The following FAM13B variants were observed in gnomAD, a reference collection of about 807,000 sequenced individuals.
FAM13B encodes family with sequence similarity 13 member B.
Under a neutral mutation model 117.3 loss-of-function variants are expected in FAM13B, and 60 were observed. The ratio of observed to expected loss-of-function variants is 0.51; its 90% CI spans 0.42 to 0.63. The LOEUF (loss-of-function observed/expected upper bound fraction) is 0.63. FAM13B is among the 30% of genes least tolerant of loss of function. The pLI is 0.00. For missense variants in FAM13B, 972 were observed against 1,091.9 expected (o/e 0.89, Z 1.55); for synonymous variants, 332 against 356.1 (o/e 0.93, Z 0.76).
rs185601888 is a variant in FAM13B, at chr5:137,938,520, A to T, written c.*1705T>A. On this transcript the variant is annotated 3_prime_UTR_variant, in exon 24 of 24. Transcript: ENST00000689681. ...AAATGATACATCTTTTGGTATTTTCAATTTCACTTTTCTAGGTATACATTA... is the reference window on the plus strand; with the variant it reads ...AAATGATACATCTTTTGGTATTTTCTATTTCACTTTTCTAGGTATACATTA... The T allele has an allele frequency of 6.5e-6, 1 of 152,712 alleles. No individual in the cohort carries two copies. The highest frequency in any genetic ancestry group is 1.5e-5 in the Non-Finnish European group (1 of 68,026). 9.5% of individuals were successfully genotyped at this position (152,712 alleles called of 1,614,324 possible).
chr5:138,017,764 C>CT (rs1328607185), intron 4 of FAM13B, among the ~76,000 whole-genome samples: 1 of 152,122 alleles, frequency 6.6e-6, no homozygotes, highest in Non-Finnish European at 1.5e-5. Context: ...AAAGATACAT[C>CT]TTTTTTTGTT....
rs1561492748 is a variant in FAM13B at position 137,983,213 on chromosome 5, A to AAAAAAAAAAAAAAAAAAAC, written c.1179+2043_1179+2044insGTTTTTTTTTTTTTTTTTT. The stretch of plus-strand genomic sequence containing the variant: ...AAAAAAAAAAAAAAAAAAAAAAAAA[A>AAAAAAAAAAAAAAAAAAAC]AACCGAGTGAGATATCCTGAATGCC... On this transcript the variant is annotated intron_variant, in intron 10 of 23. Coordinates refer to ENST00000689681, the MANE Select transcript of FAM13B (RefSeq NM_001385994.1). Among the ~76,000 whole-genome samples, 9 of 93,718 alleles carry AAAAAAAAAAAAAAAAAAAC rather than the reference A, an allele frequency of 9.6e-5. 1 individual carries two copies. The highest frequency in any genetic ancestry group is 1.6e-4 in the Non-Finnish European group (7 of 43,940). 61.5% of individuals were successfully genotyped at this position (93,718 alleles called of 152,430 possible). A position where few individuals can be genotyped will look rare whatever the true frequency, so the allele number is the denominator to read the frequency against.
Position 137,949,075 on chromosome 5 carries a change from A to G in FAM13B, c.2040T>C (p.Asn680=). The change falls in exon 18 of 24, where the codon AAT becomes AAC. Residue 680 remains asparagine, a synonymous_variant. Transcript: ENST00000689681. The part of the protein sequence containing the change: ...GSSLDHEDEE[N]EDEPKVIQKE... Reference sequence around the variant, plus strand: ...TCTGAATGACCTTGGGTTCATCTTCATTCTCTTCATCTTCATGGTCTAGAG... The same window carrying G: ...TCTGAATGACCTTGGGTTCATCTTCGTTCTCTTCATCTTCATGGTCTAGAG... 4 of 1,614,038 alleles carry G rather than the reference A, an allele frequency of 2.5e-6. No individual in the cohort carries two copies. Among genetic ancestry groups the G allele is most frequent in the Non-Finnish European group, 3.4e-6 (4 of 1,179,986 alleles).
rs1790562010 is a variant in FAM13B, at chr5:138,032,962, C to T, written c.-383G>A. On this transcript the variant is annotated 5_prime_UTR_variant, in exon 1 of 24. Transcript: ENST00000689681. ...GCGCGGGGCCAGCCCGGTAAGCGAC[C>T]CCCCGGATACCCCCGGCGGTGGTGG... 2 of 986,316 alleles carry T rather than the reference C, an allele frequency of 2.0e-6. No individual in the cohort carries two copies. The highest frequency in any genetic ancestry group is 3.5e-5 in the African/African-American group (2 of 57,378). 61.1% of individuals were successfully genotyped at this position (986,316 alleles called of 1,614,324 possible).
intron 1 of FAM13B, among the ~76,000 whole-genome samples, chr5:138,023,856 G>A (rs4835750): frequency 0.74 from 112,201 of 152,152 alleles, 42,024 homozygotes; most frequent in East Asian, 0.97. Flanking sequence ...CACCATGCCC[G>A]GCCTCAAAGT....
chr5:137,952,493 A>C, intron 17 of FAM13B, 135 bp downstream of exon 17: 1 of 600,424 alleles, frequency 1.7e-6, no homozygotes, highest in East Asian at 2.9e-5. Context: ...TAATAAAACA[A>C]AAAAAGGTAA....
At chr5:138,006,969 T>G in intron 7 of FAM13B, 21 bp downstream of exon 7, 1 of 1,580,738 alleles carries the variant, frequency 6.3e-7, no homozygotes, top group Non-Finnish European at 8.6e-7. Context: ...AAAGCTAAAG[T>G]TCATTCAACT....
chr5:137,992,929 A>G (rs750767429), intron 7 of FAM13B, among the ~76,000 whole-genome samples: 6 of 152,372 alleles, frequency 3.9e-5, no homozygotes, highest in East Asian at 1.9e-4. Context: ...AATAAGTCAC[A>G]AAGTAAAAAA....
intron 20 of FAM13B, among the ~76,000 whole-genome samples, chr5:137,944,768 A>C (rs752544522): frequency 0.034 from 5,134 of 151,966 alleles, 123 homozygotes; most frequent in Middle Eastern, 0.055. Context: ...AAAAACAAAA[A>C]AAAAAAAAAA....
At chr5:137,974,787 G>A (rs987070305) in intron 10 of FAM13B, among the ~76,000 whole-genome samples, 1 of 151,602 alleles carries the variant, frequency 6.6e-6, no homozygotes, top group Non-Finnish European at 1.5e-5. Flanking sequence ...TCTAGCCCAG[G>A]TGTTGGCAAA....
At chr5:137,940,442 A>G (rs1581025783) in intron 23 of FAM13B, 94 bp from the exon 24 acceptor site, 6 of 766,768 alleles carry the variant, frequency 7.8e-6, no homozygotes, top group East Asian at 5.2e-5. Flanking sequence ...GTTACTAAAC[A>G]TAAGTTCAAA....
At chr5:138,036,708 T>G, upstream of FAM13B, 1 of 383,224 alleles carries the variant, frequency 2.6e-6, no homozygotes, top group Non-Finnish European at 5.2e-6. Context: ...CTAGAGGGGG[T>G]CTATCTCAGA....
At chr5:137,979,999 T>TAAAAAA (rs10709915) in intron 10 of FAM13B, among the ~76,000 whole-genome samples, 1 of 95,562 alleles carries the variant, frequency 1.0e-5, no homozygotes, top group Admixed American at 1.1e-4. Flanking sequence ...CTGTCTCTAC[T>TAAAAAA]AAAAAAAAAA....
chr5:138,003,187 A>G (rs535206787), intron 7 of FAM13B, among the ~76,000 whole-genome samples: 1 of 152,322 alleles, frequency 6.6e-6, no homozygotes, highest in African/African-American at 2.4e-5. Context: ...GGTAATTTAT[A>G]AAAATTTTTT....
chr5:138,048,705 C>T (rs1028896739), intron 1 of FAM13B, among the ~76,000 whole-genome samples: 17 of 152,164 alleles, frequency 1.1e-4, no homozygotes, highest in Admixed American at 1.1e-3. Flanking sequence ...TTCTAATTCT[C>T]AAGCCAAGTA....
At chr5:138,035,538 G>T (rs1158123091), upstream of FAM13B, among the ~76,000 whole-genome samples, 2 of 152,152 alleles carry the variant, frequency 1.3e-5, no homozygotes, top group African/African-American at 4.8e-5. Flanking sequence ...CTTTCAATTT[G>T]TGCAGTGGGA....
intron 1 of FAM13B, among the ~76,000 whole-genome samples, chr5:138,025,321 T>TG (rs1561544178): frequency 8.2e-6 from 1 of 121,896 alleles, no homozygotes; most frequent in African/African-American, 3.0e-5. Context: ...GTATTTTTTT[T>TG]TTTTTTTTTT....
intron 11 of FAM13B, 31 bp downstream of exon 11, chr5:137,962,374 T>A (rs1768381251): frequency 1.2e-6 from 2 of 1,600,848 alleles, no homozygotes; most frequent in Non-Finnish European, 1.7e-6. Flanking sequence ...ATTCTCAAAA[T>A]GATTAATTAG....
rs563663750 is a variant in FAM13B, at chr5:137,960,342, ACT to A, written c.1245-130_1245-129del. ...TACAATGTGCGAGGAGAAAATGCCAACTGGACACATGCCCATTCTTTGGAGCC... is the reference window on the plus strand; with the variant it reads ...TACAATGTGCGAGGAGAAAATGCCAAGGACACATGCCCATTCTTTGGAGCC... On this transcript the variant is annotated intron_variant, in intron 11 of 23. Transcript: ENST00000689681. 2.8e-3 allele frequency: 1,440 copies of A among 514,290 alleles called. 1 individual carries two copies. The highest frequency in any genetic ancestry group is 3.7e-3 in the Non-Finnish European group (1,079 of 291,334). 31.9% of individuals were successfully genotyped at this position (514,290 alleles called of 1,614,324 possible).
Sources: allele counts gnomAD v4.1 joint callset (sites outside exome capture counted in the v4.1 genomes callset), GRCh38; gene constraint gnomAD v4.1.1; transcripts MANE v1.5; gene names NCBI Gene and HGNC (gene_info 2026-07-23, HGNC 2026-07-21).